TAFA1: variants seen among roughly 807,000 people sequenced by gnomAD.
The protein encoded by TAFA1 is TAFA chemokine like family member 1, also known as chemokine-like protein TAFA-1.
Under a neutral mutation model 18.5 loss-of-function variants are expected in TAFA1, and 4 were observed. The ratio of observed to expected loss-of-function variants is 0.22; its 90% CI spans 0.11 to 0.49. The LOEUF (loss-of-function observed/expected upper bound fraction) is 0.49, where lower values mean the gene tolerates loss of function less well. Ranked by LOEUF, TAFA1 falls within the 20% of genes least tolerant of loss-of-function variation. The probability of loss-of-function intolerance (pLI) is 0.98; values close to 1 mark genes in which losing one functional copy is unlikely to be tolerated. For missense variants in TAFA1, 147 were observed against 169.0 expected (o/e 0.87, Z 0.72); for synonymous variants, 56 against 55.2 (o/e 1.01, Z -0.06).
At chr3:68,308,809 A>ACACT (rs1257648617) in intron 2 of TAFA1, among the ~76,000 whole-genome samples, 1 of 152,112 alleles carries the variant, frequency 6.6e-6, no homozygotes, top group Non-Finnish European at 1.5e-5. Context: ...AAACACACAC[A>ACACT]CACTCACTCA....
intron 2 of TAFA1, among the ~76,000 whole-genome samples, chr3:68,283,135 A>T (rs988795747): frequency 2.6e-5 from 4 of 152,232 alleles, no homozygotes; most frequent in South Asian, 4.1e-4. Context: ...TTGCTTTATG[A>T]TAATAGAGAA....
intron 2 of TAFA1, among the ~76,000 whole-genome samples, chr3:68,061,281 T>C (rs916371580): frequency 1.3e-5 from 2 of 152,218 alleles, no homozygotes; most frequent in Non-Finnish European, 2.9e-5. Context: ...ATCTTGATTA[T>C]GAAAATGATA....
intron 4 of TAFA1, among the ~76,000 whole-genome samples, chr3:68,541,990 G>A (rs752485833): frequency 4.6e-5 from 7 of 152,144 alleles, no homozygotes; most frequent in Non-Finnish European, 8.8e-5. Flanking sequence ...ACCCCAGAAC[G>A]TCTGGAGTAG....
At chr3:68,303,083 A>G (rs2068335071) in intron 2 of TAFA1, among the ~76,000 whole-genome samples, 1 of 152,194 alleles carries the variant, frequency 6.6e-6, no homozygotes. Context: ...AAAATGCTCA[A>G]TAAATATGAC....
At chr3:68,021,877 A>G (rs1392218118) in intron 2 of TAFA1, among the ~76,000 whole-genome samples, 2 of 152,140 alleles carry the variant, frequency 1.3e-5, no homozygotes, top group African/African-American at 2.4e-5. Context: ...TGTACATGAC[A>G]GGCATTAGCT....
chr3:68,094,695 C>A (rs1456314432), intron 2 of TAFA1, among the ~76,000 whole-genome samples: 3 of 152,076 alleles, frequency 2.0e-5, no homozygotes, highest in African/African-American at 7.2e-5. Flanking sequence ...AGTTATTTAA[C>A]CCCCATGAGC....
intron 2 of TAFA1, among the ~76,000 whole-genome samples, chr3:68,106,386 C>T (rs910152836): frequency 8.6e-5 from 13 of 152,018 alleles, no homozygotes; most frequent in South Asian, 2.1e-4. Context: ...GCCCTTGAAA[C>T]GTGGTTAGCA....
intron 2 of TAFA1, among the ~76,000 whole-genome samples, chr3:68,019,048 T>G (rs1704626213): frequency 6.6e-6 from 1 of 152,248 alleles, no homozygotes; most frequent in South Asian, 2.1e-4. Context: ...CAATTCTCAG[T>G]CAGGTTTCCA....
chr3:68,064,343 T>A (rs993137075), intron 2 of TAFA1, among the ~76,000 whole-genome samples: 4 of 152,226 alleles, frequency 2.6e-5, no homozygotes, highest in Non-Finnish European at 5.9e-5. Context: ...TGAACAGTGA[T>A]GAAAGGACAA....
At chr3:68,312,854 A>T (rs111709670) in intron 2 of TAFA1, among the ~76,000 whole-genome samples, 1 of 152,324 alleles carries the variant, frequency 6.6e-6, no homozygotes, top group Admixed American at 6.5e-5. Context: ...CTGCTGATGA[A>T]GACATACCTG....
At chr3:68,073,672 T>C (rs558385888) in intron 2 of TAFA1, among the ~76,000 whole-genome samples, 51 of 152,292 alleles carry the variant, frequency 3.3e-4, no homozygotes, top group Non-Finnish European at 6.2e-4. Context: ...CACAATATTT[T>C]TTTTTCTCCA....
In TAFA1 at chr3:68,118,462, G is replaced by A. The variant is rs866170645; in HGVS notation, c.118+111718G>A. On this transcript the variant is annotated intron_variant, in intron 2 of 4. Coordinates refer to ENST00000478136, the MANE Select transcript of TAFA1 (RefSeq NM_213609.4). ...ATGGCCCGGTTCCTAACAGGTAACG[G>A]ACTGGTACTGGTCTGTGGCCCAGGG... Among the ~76,000 whole-genome samples the A allele has an allele frequency of 3.9e-5, 6 of 152,114 alleles. No individual in the cohort carries two copies. In the South Asian group the frequency reaches 1.2e-3, roughly 32 times the overall value.
chr3:68,472,576 T>C (rs1575898933), intron 3 of TAFA1, among the ~76,000 whole-genome samples: 1 of 152,000 alleles, frequency 6.6e-6, no homozygotes, highest in Non-Finnish European at 1.5e-5. Context: ...GATAAGTAGA[T>C]TGTATCATTA....
Position 68,423,714 on chromosome 3 carries a change from G to A in TAFA1, c.259+6294G>A, listed in dbSNP as rs80197108. ...GCATAGTGGGAGTGGTAAAATTTTC[G>A]TGCAGTTTTCTCTATTTAGGATTTT... On this transcript the variant is annotated intron_variant, in intron 3 of 4. Coordinates refer to ENST00000478136, the MANE Select transcript of TAFA1 (RefSeq NM_213609.4). 2.5e-3 allele frequency among the ~76,000 whole-genome samples: 369 copies of A among 150,542 alleles called. 12 individuals carry two copies. The East Asian group carries it at 0.057, about 23-fold the overall frequency.
chr3:68,028,173 G>A (rs549120954), intron 2 of TAFA1, among the ~76,000 whole-genome samples: 1 of 152,062 alleles, frequency 6.6e-6, no homozygotes, highest in African/African-American at 2.4e-5. Flanking sequence ...GGTGGCACAT[G>A]CCTGTAATCC....
At chr3:68,483,620 G>C (rs1207364928) in intron 3 of TAFA1, among the ~76,000 whole-genome samples, 1 of 152,164 alleles carries the variant, frequency 6.6e-6, no homozygotes, top group South Asian at 2.1e-4. Flanking sequence ...AATAAAGAAG[G>C]GTAGACAGGG....
At chr3:68,269,447 G>C (rs964437281) in intron 2 of TAFA1, among the ~76,000 whole-genome samples, 2 of 152,180 alleles carry the variant, frequency 1.3e-5, no homozygotes, top group Non-Finnish European at 2.9e-5. Context: ...AAGCCTGGGG[G>C]ATAGTGTGAG....
At chr3:68,205,098 A>G (rs1045298296) in intron 2 of TAFA1, among the ~76,000 whole-genome samples, 3 of 151,848 alleles carry the variant, frequency 2.0e-5, no homozygotes, top group Admixed American at 6.6e-5. Flanking sequence ...ATGACTTTTA[A>G]TAGCACTGCA....
chr3:68,450,368 A>G (rs2106893106), intron 3 of TAFA1, among the ~76,000 whole-genome samples: 1 of 152,326 alleles, frequency 6.6e-6, no homozygotes, highest in East Asian at 1.9e-4. Context: ...AGCAATGTTT[A>G]ACAGAAAATT....
Sources: allele counts gnomAD v4.1 joint callset (sites outside exome capture counted in the v4.1 genomes callset), GRCh38; gene constraint gnomAD v4.1.1; transcripts MANE v1.5; gene names NCBI Gene and HGNC (gene_info 2026-07-23, HGNC 2026-07-21).